Variants in SRGAP1 observed in about 807,000 individuals in gnomAD.
SRGAP1 encodes SLIT-ROBO Rho GTPase activating protein 1, also known as SLIT-ROBO Rho GTPase-activating protein 1.
Under a neutral mutation model 121.9 loss-of-function variants are expected in SRGAP1, and 43 were observed. That is an observed-to-expected ratio of 0.35 (90% CI 0.28 to 0.46). The LOEUF is 0.46. Among genes scored for constraint, SRGAP1 ranks in the 20% least tolerant of loss-of-function variants. SRGAP1 has a pLI of 1.00. For missense variants in SRGAP1, 1,102 were observed against 1,350.9 expected, an observed-to-expected ratio of 0.82 and a Z score of 2.89; for synonymous variants, 447 against 485.4, an observed-to-expected ratio of 0.92 and a Z score of 1.04.
chr12:63,960,924 T>A (rs76875714), intron 1 of SRGAP1, among the ~76,000 whole-genome samples: 2,769 of 152,270 alleles, frequency 0.018, 99 homozygotes, highest in East Asian at 0.14. Context: ...TGCTTTGGTA[T>A]TTGCCTCTGA....
At chr12:63,954,785 T>A (rs757293139) in intron 1 of SRGAP1, among the ~76,000 whole-genome samples, 1 of 152,122 alleles carries the variant, frequency 6.6e-6, no homozygotes, top group Non-Finnish European at 1.5e-5. Context: ...GCTTTGCTGC[T>A]TCCTAGTTTG....
At chr12:63,987,214 C>T (rs1051898873) in intron 2 of SRGAP1, among the ~76,000 whole-genome samples, 10 of 152,166 alleles carry the variant, frequency 6.6e-5, no homozygotes, top group Non-Finnish European at 1.5e-5. Flanking sequence ...GATATCATTA[C>T]CAATCATTTA....
At chr12:63,906,893 T>G (rs77439169) in intron 1 of SRGAP1, among the ~76,000 whole-genome samples, 1 of 151,778 alleles carries the variant, frequency 6.6e-6, no homozygotes, top group African/African-American at 2.4e-5. Flanking sequence ...TTTTTTTTTT[T>G]GTGACTGAGT....
intron 3 of SRGAP1, among the ~76,000 whole-genome samples, chr12:63,998,385 A>G (rs2033775284): frequency 6.6e-6 from 1 of 152,222 alleles, no homozygotes; most frequent in African/African-American, 2.4e-5. Flanking sequence ...ACTTCCTGAG[A>G]GAAAGAAATC....
chr12:63,890,354 T>A (rs1900537324), intron 1 of SRGAP1, among the ~76,000 whole-genome samples: 2 of 152,170 alleles, frequency 1.3e-5, no homozygotes, highest in African/African-American at 4.8e-5. Flanking sequence ...GAATGGATGC[T>A]TCTCCCTAAA....
At chr12:63,993,369 T>C (rs1166142514) in intron 3 of SRGAP1, among the ~76,000 whole-genome samples, 1 of 152,248 alleles carries the variant, frequency 6.6e-6, no homozygotes, top group Non-Finnish European at 1.5e-5. Flanking sequence ...GATCTTCCTC[T>C]TTTCTAGCTC....
chr12:63,893,188 G>T (rs2136298677), intron 1 of SRGAP1, among the ~76,000 whole-genome samples: 1 of 152,290 alleles, frequency 6.6e-6, no homozygotes, highest in Non-Finnish European at 1.5e-5. Context: ...AATGCATGTT[G>T]TATATGTCAA....
intron 4 of SRGAP1, among the ~76,000 whole-genome samples, chr12:64,025,219 C>T (rs2034628483): frequency 6.6e-6 from 1 of 151,774 alleles, no homozygotes; most frequent in African/African-American, 2.4e-5. Context: ...ATTTCAAGCC[C>T]TTCCTTGAAA....
At position 64,148,963 on chromosome 12, in the gene SRGAP1, T is replaced by G. The variant is rs1010349502; in HGVS notation, c.*6291T>G. 3 of 152,218 alleles carry G rather than the reference T, an allele frequency of 2.0e-5. No individual in the cohort carries two copies. Among genetic ancestry groups the G allele is most frequent in the Non-Finnish European group, 4.4e-5 (3 of 68,040 alleles). 9.4% of individuals were successfully genotyped at this position (152,218 alleles called of 1,614,324 possible). ...TTTCTATAAATGGGTTCATACAGTA[T>G]GTAGATTTTGTGTCTGGCTCCTTTT... On this transcript the variant is annotated 3_prime_UTR_variant, in exon 22 of 22. Transcript: ENST00000355086.
chr12:64,025,943 T>G (rs2034643832), intron 4 of SRGAP1, among the ~76,000 whole-genome samples: 3 of 152,224 alleles, frequency 2.0e-5, no homozygotes. Flanking sequence ...ATAAGAACTT[T>G]ATATGTAGAC....
chr12:63,995,398 A>C (rs1361143659), intron 3 of SRGAP1, among the ~76,000 whole-genome samples: 1 of 152,190 alleles, frequency 6.6e-6, no homozygotes, highest in Non-Finnish European at 1.5e-5. Context: ...CAAAATGCTC[A>C]GGAGTATAAA....
chr12:63,998,244 T>C (rs985724675), intron 3 of SRGAP1, among the ~76,000 whole-genome samples: 2 of 152,182 alleles, frequency 1.3e-5, no homozygotes, highest in Non-Finnish European at 2.9e-5. Flanking sequence ...AATGAATAAG[T>C]AATGAATAAA....
In SRGAP1 at chr12:64,146,535, T is replaced by A. The variant is rs2037055042; in HGVS notation, c.*3863T>A. ...TGGAAATCCAAAGTTAAAGAGCCTA[T>A]GTGTCTCTTGAGGCGGGGGTTAGAG... On this transcript the variant is annotated 3_prime_UTR_variant, in exon 22 of 22. Coordinates refer to ENST00000355086, the MANE Select transcript of SRGAP1 (RefSeq NM_020762.4). The A allele has an allele frequency of 6.6e-6, 1 of 152,182 alleles. No homozygotes were observed. The highest frequency in any genetic ancestry group is 2.1e-4 in the South Asian group (1 of 4,832). The allele number at this position is 152,182 out of a possible 1,614,324, so 9.4% of individuals were successfully genotyped here. A position where few individuals can be genotyped will look rare whatever the true frequency, so the allele number is the denominator to read the frequency against.
intron 4 of SRGAP1, among the ~76,000 whole-genome samples, chr12:64,041,781 T>C (rs1217259567): frequency 6.6e-6 from 1 of 151,970 alleles, no homozygotes; most frequent in African/African-American, 2.4e-5. Context: ...TATGTGTGTG[T>C]GTGTGTTTTC....
At chr12:64,076,119 A>G (rs2035733445) in intron 8 of SRGAP1, among the ~76,000 whole-genome samples, 1 of 152,354 alleles carries the variant, frequency 6.6e-6, no homozygotes, top group Middle Eastern at 3.4e-3. Context: ...ATTCTGAGCT[A>G]TTAGTGCCCC....
chr12:63,855,473 G>GTTTTTTTTTTT lies in SRGAP1; in HGVS notation c.67+10612_67+10622dup, dbSNP rs781701925. Reference sequence around the variant, plus strand: ...AGCAGCAGTCAACATGAAAAATGGTGTTTTTTTTTTTTTTTTTTTTTTTTT... The same window carrying GTTTTTTTTTTT: ...AGCAGCAGTCAACATGAAAAATGGTGTTTTTTTTTTTTTTTTTTTTTTTTTTTTTTTTTTTT... On this transcript the variant is annotated intron_variant, in intron 1 of 21. Transcript: ENST00000355086. 1.5e-4 allele frequency among the ~76,000 whole-genome samples: 8 copies of GTTTTTTTTTTT among 52,938 alleles called. 1 individual carries two copies. The highest frequency in any genetic ancestry group is 5.0e-4 in the African/African-American group (7 of 14,028). The allele number at this position is 52,938 out of a possible 152,430, so 34.7% of individuals were successfully genotyped here.
At chr12:63,903,971 A>G (rs550656102) in intron 1 of SRGAP1, among the ~76,000 whole-genome samples, 71 of 152,256 alleles carry the variant, frequency 4.7e-4, no homozygotes, top group African/African-American at 1.6e-3. Context: ...CACATAATGA[A>G]TATTTTATAT....
chr12:64,065,201 C>G lies in SRGAP1; in HGVS notation c.1107C>G (p.Leu369=). The change falls in exon 8 of 22, where the codon CTC becomes CTG. Residue 369 remains leucine (L), a synonymous_variant. Transcript: ENST00000355086. ...AGTTGCAGTCCCGCCTTGCCACGCT[C>G]AAAATCGAGAATGAAGAGGTGAGCA... is the stretch of plus-strand genomic sequence containing the variant. The part of the protein sequence containing the change: ...YQQLQSRLAT[L]KIENEEVKKT... 4 of 1,613,118 alleles carry G rather than the reference C, an allele frequency of 2.5e-6. No individual in the cohort carries two copies. The highest frequency in any genetic ancestry group is 3.4e-6 in the Non-Finnish European group (4 of 1,179,750).
At position 63,984,078 on chromosome 12, in the gene SRGAP1, C is replaced by T. The variant is rs2033349549; in HGVS notation, c.199C>T (p.Leu67=). The change falls in exon 2 of 22, where the codon CTA becomes TTA. Residue 67 remains leucine (L), a synonymous_variant. Coordinates refer to ENST00000355086, the MANE Select transcript of SRGAP1 (RefSeq NM_020762.4). ...AEIETEYSRN[L]EKLAERFMAK... ...AATTGAGACGGAATATTCCCGGAAT[C>T]TAGAGAAGTTAGCAGAAAGGTTCAT... 6.5e-7 allele frequency: 1 copy of T among 1,541,106 alleles called. No homozygotes were observed. Among genetic ancestry groups the T allele is most frequent in the Admixed American group, 1.8e-5 (1 of 56,114 alleles).
Sources: allele counts gnomAD v4.1 joint callset (sites outside exome capture counted in the v4.1 genomes callset), GRCh38; gene constraint gnomAD v4.1.1; transcripts MANE v1.5; gene names NCBI Gene and HGNC (gene_info 2026-07-23, HGNC 2026-07-21).